The following FSTL5 variants were observed in gnomAD, a reference collection of about 807,000 sequenced individuals.
FSTL5 encodes the protein follistatin-related protein 5.
In FSTL5, 62 loss-of-function variants were observed where a neutral mutation model predicts 89.1. The observed-to-expected ratio is 0.70, with a 90% CI of 0.57 to 0.86. FSTL5 has a LOEUF of 0.86. FSTL5 is among the 40% of genes least tolerant of loss of function. The probability of loss-of-function intolerance (pLI) is 0.00; values close to 1 mark genes in which losing one functional copy is unlikely to be tolerated. For synonymous variants in FSTL5, 383 were observed against 346.2 expected, an observed-to-expected ratio of 1.11 and a Z score of -1.18; for missense variants, 1,057 against 1,001.6, an observed-to-expected ratio of 1.06 and a Z score of -0.75.
At chr4:161,730,498 T>A (rs960139599) in intron 6 of FSTL5, among the ~76,000 whole-genome samples, 5 of 152,148 alleles carry the variant, frequency 3.3e-5, no homozygotes, top group Admixed American at 6.5e-5. Context: ...CTATATACTT[T>A]AATGCTGCAT....
chr4:161,655,049 A>G (rs577194755), intron 7 of FSTL5, among the ~76,000 whole-genome samples: 1 of 152,252 alleles, frequency 6.6e-6, no homozygotes, highest in African/African-American at 2.4e-5. Context: ...CATGCTAGGA[A>G]AATATTTTTT....
chr4:162,082,214 C>T (rs1243723915), intron 2 of FSTL5, among the ~76,000 whole-genome samples: 1 of 151,088 alleles, frequency 6.6e-6, no homozygotes, highest in African/African-American at 2.4e-5. Flanking sequence ...AACATTTCCA[C>T]TTTCATTTGG....
chr4:161,608,278 C>T (rs1026697297), intron 7 of FSTL5, among the ~76,000 whole-genome samples: 1 of 152,058 alleles, frequency 6.6e-6, no homozygotes, highest in Non-Finnish European at 1.5e-5. Context: ...TTAAAAATTT[C>T]TAAATGGGAA....
At chr4:161,403,031 G>A (rs1281795561) in intron 15 of FSTL5, among the ~76,000 whole-genome samples, 3 of 151,854 alleles carry the variant, frequency 2.0e-5, no homozygotes, top group Non-Finnish European at 2.9e-5. Context: ...GGGTTTCACC[G>A]TGTTAGCGAG....
intron 1 of FSTL5, among the ~76,000 whole-genome samples, chr4:162,125,870 T>C (rs534522401): frequency 6.6e-6 from 1 of 152,232 alleles, no homozygotes; most frequent in Non-Finnish European, 1.5e-5. Context: ...CATGTACTTT[T>C]GTGCCTGTGT....
intron 10 of FSTL5, among the ~76,000 whole-genome samples, chr4:161,535,197 G>A (rs571378779): frequency 2.6e-5 from 4 of 152,070 alleles, no homozygotes; most frequent in East Asian, 1.9e-4. Context: ...AAAAGCAATC[G>A]CAACAGAATA....
intron 6 of FSTL5, among the ~76,000 whole-genome samples, chr4:161,715,583 G>A (rs78456209): frequency 0.02 from 3,018 of 152,086 alleles, 103 homozygotes; most frequent in African/African-American, 0.067. Context: ...TTTATCACCC[G>A]TAAAAGAATT....
chr4:161,545,030 T>C (rs1256988784), intron 8 of FSTL5, among the ~76,000 whole-genome samples: 1 of 152,050 alleles, frequency 6.6e-6, no homozygotes, highest in Non-Finnish European at 1.5e-5. Flanking sequence ...AAAAGTGAGA[T>C]GTGGATTAAT....
Position 161,424,408 on chromosome 4 carries a change from GT to G in FSTL5, c.1841+30595del, listed in dbSNP as rs928290820. Among the ~76,000 whole-genome samples the G allele has an allele frequency of 2.9e-3, 414 of 142,408 alleles. 1 individual carries two copies. The highest frequency in any genetic ancestry group is 8.2e-3 in the African/African-American group (321 of 39,024). 93.4% of individuals were successfully genotyped at this position (142,408 alleles called of 152,430 possible). ...TGATATAATGTTTTTAAGGCAACTA[GT>G]TTTTTTTTTTTAGGTTTTATTTTTT... On this transcript the variant is annotated intron_variant, in intron 15 of 15. Coordinates refer to ENST00000306100, the MANE Select transcript of FSTL5 (RefSeq NM_020116.5).
intron 4 of FSTL5, among the ~76,000 whole-genome samples, chr4:161,866,465 A>T (rs1410190672): frequency 7.6e-6 from 1 of 131,950 alleles, no homozygotes. Context: ...TCTAAGCTGT[A>T]GTGTGTGTGT....
intron 7 of FSTL5, among the ~76,000 whole-genome samples, chr4:161,603,175 A>T (rs1734310989): frequency 6.6e-6 from 1 of 152,154 alleles, no homozygotes; most frequent in South Asian, 2.1e-4. Context: ...ATACACACAC[A>T]CATTGGCGTA....
chr4:161,909,712 T>C lies in FSTL5; in HGVS notation c.409+10692A>G, dbSNP rs553942404. 2.6e-5 allele frequency among the ~76,000 whole-genome samples: 4 copies of C among 152,250 alleles called. No homozygotes were observed. In the South Asian group the frequency reaches 6.2e-4, roughly 24 times the overall value. On this transcript the variant is annotated intron_variant, in intron 4 of 15. Transcript: ENST00000306100. ...TCCAGTCTTGTTTTTCCTTTCTTTC[T>C]GTTTAATGAAGGAAGAAGCCATGCT...
chr4:161,767,948 T>C (rs1309752434), intron 5 of FSTL5, among the ~76,000 whole-genome samples: 2 of 150,390 alleles, frequency 1.3e-5, no homozygotes, highest in Admixed American at 6.6e-5. Context: ...TTTCAGATGG[T>C]AATTAACGCA....
intron 12 of FSTL5, among the ~76,000 whole-genome samples, chr4:161,496,870 A>T (rs1479815832): frequency 6.6e-6 from 1 of 151,870 alleles, no homozygotes. Flanking sequence ...AAACGTGGCG[A>T]CAGAGGTAGT....
At chr4:162,007,543 T>G (rs1736647009) in intron 3 of FSTL5, among the ~76,000 whole-genome samples, 1 of 151,880 alleles carries the variant, frequency 6.6e-6, no homozygotes, top group Admixed American at 6.6e-5. Flanking sequence ...TGTCATTTGG[T>G]AAATTTTGTA....
At chr4:161,745,694 A>G (rs1740176390) in intron 6 of FSTL5, among the ~76,000 whole-genome samples, 1 of 152,082 alleles carries the variant, frequency 6.6e-6, no homozygotes. Context: ...CATTGTAGCA[A>G]TAAGATAAAT....
chr4:161,715,437 C>T (rs746501381), intron 6 of FSTL5, among the ~76,000 whole-genome samples: 4 of 152,066 alleles, frequency 2.6e-5, no homozygotes, highest in Non-Finnish European at 4.4e-5. Context: ...TGTTTCCAGT[C>T]TCTGTGATCA....
At chr4:161,845,837 G>A (rs1447315920) in intron 4 of FSTL5, among the ~76,000 whole-genome samples, 1 of 152,124 alleles carries the variant, frequency 6.6e-6, no homozygotes, top group African/African-American at 2.4e-5. Flanking sequence ...CTAGAGGTCA[G>A]GAGTTCGAGA....
chr4:161,919,891 G>GT (rs1359789313), intron 4 of FSTL5, among the ~76,000 whole-genome samples: 1 of 152,086 alleles, frequency 6.6e-6, no homozygotes, highest in Non-Finnish European at 1.5e-5. Flanking sequence ...TTTAACTATG[G>GT]TTATCTCTGA....
Sources: gnomAD v4.1 joint callset for allele counts (sites outside exome capture counted in the v4.1 genomes callset) on GRCh38, gnomAD v4.1.1 for gene constraint, MANE v1.5 for transcripts, NCBI Gene and HGNC (gene_info 2026-07-23, HGNC 2026-07-21) for gene names.